The following CDHR4 variants were observed in gnomAD, a reference collection of about 807,000 sequenced individuals.
The protein encoded by CDHR4 is cadherin-related family member 4.
CDHR4 carries 89 observed loss-of-function variants against 88.4 expected under a neutral mutation model. The ratio of observed to expected loss-of-function variants is 1.01; its 90% CI spans 0.85 to 1.20. The LOEUF (loss-of-function observed/expected upper bound fraction) is 1.20, where lower values mean the gene tolerates loss of function less well. Ranked by LOEUF, CDHR4 falls within the 50% of genes most tolerant of loss-of-function variation. The probability of loss-of-function intolerance (pLI) is 0.00; values close to 1 mark genes in which losing one functional copy is unlikely to be tolerated. For synonymous variants in CDHR4, 368 were observed against 399.2 expected (o/e 0.92, Z 0.93); for missense variants, 914 against 1,007.2 (o/e 0.91, Z 1.25).
Position 49,793,996 on chromosome 3 carries a change from C to G in CDHR4, c.1290G>C (p.Pro430=), listed in dbSNP as rs771129667. The G allele has an allele frequency of 3.9e-6, 6 of 1,551,500 alleles. No individual in the cohort carries two copies. The Middle Eastern group carries it at 5.0e-4, about 130-fold the overall frequency. The change falls in exon 11 of 19, where the codon CCG becomes CCC. Residue 430 remains proline (P), a synonymous_variant. Coordinates refer to ENST00000412678, the MANE Select transcript of CDHR4 (RefSeq NM_001007540.4). ...GGQPQMTTEV[P]VLVMVTPINE... ...TGATGGGTGTCACCATCACCAGTAC[C>G]GGCACCTCAGCTGGAAGTCATTTGG...
intron 15 of CDHR4, 131 bp downstream of exon 15, chr3:49,792,337 C>G: frequency 2.6e-6 from 3 of 1,149,562 alleles, no homozygotes; most frequent in South Asian, 3.2e-5. Context: ...GGGAGAGTAG[C>G]CCTCCTCAAT....
Position 49,799,085 on chromosome 3 carries a change from T to G in CDHR4, c.312A>C (p.Thr104=), listed in dbSNP as rs371098077. The G allele has an allele frequency of 6.3e-6, 10 of 1,580,632 alleles. No homozygotes were observed. In the African/African-American group the frequency reaches 1.3e-4, roughly 21 times the overall value. ...AGCCCTCCATCACATGGTTGCCACATGTGAACTTCAGCTGCACCTTGTAGT... is the reference window on the plus strand; with the variant it reads ...AGCCCTCCATCACATGGTTGCCACAGGTGAACTTCAGCTGCACCTTGTAGT... ...VNHYKVQLKF[T]CGNHVMEGSL... is the part of the protein sequence containing the mutation. Residue 104 remains threonine, a synonymous_variant, in exon 3 of 19, where the codon ACA becomes ACC. Transcript: ENST00000412678.
At position 49,798,951 on chromosome 3, in the gene CDHR4, A is replaced by G. The variant is rs375629076; in HGVS notation, c.404-34T>C. ...AGTGGAGGTCAGGGAGGATCTGCTC[A>G]GGCCATGCCTGCCCCCACCCTGCCG... On this transcript the variant is annotated intron_variant, in intron 3 of 18. Coordinates refer to ENST00000412678, the MANE Select transcript of CDHR4 (RefSeq NM_001007540.4). 3.1e-6 allele frequency: 5 copies of G among 1,611,344 alleles called. No individual in the cohort carries two copies. The African/African-American group carries it at 5.3e-5, about 17-fold the overall frequency.
At position 49,795,381 on chromosome 3, in the gene CDHR4, T is replaced by C. The variant is rs2081255417; in HGVS notation, c.848-2A>G. On this transcript the variant is annotated splice_acceptor_variant, in intron 7 of 18. Coordinates refer to ENST00000412678, the MANE Select transcript of CDHR4 (RefSeq NM_001007540.4). LOFTEE classifies it high-confidence loss of function. This position sits in a 1 kb window ranked among gnomAD's most constrained non-coding sequence, Gnocchi z 5.4. ...TGGTGGTCCGGACCACACCGTCTGC[T>C]GCATGGGGTGAGAGAACACAGAGGT... 1.9e-6 allele frequency: 3 copies of C among 1,549,612 alleles called. No homozygotes were observed. The highest frequency in any genetic ancestry group is 2.0e-5 in the Admixed American group (1 of 50,950).
chr3:49,791,289 G>C (rs1321104487), intron 18 of CDHR4, among the ~76,000 whole-genome samples, 152 bp downstream of exon 18: 1 of 152,118 alleles, frequency 6.6e-6, no homozygotes, highest in East Asian at 1.9e-4. Context: ...AGAGTGAGCG[G>C]GGATGAGAGC....
Position 49,799,436 on chromosome 3 carries a change from G to A in CDHR4, c.51C>T (p.Asp17=), listed in dbSNP as rs781768606. 4.4e-6 allele frequency: 7 copies of A among 1,592,056 alleles called. No individual in the cohort carries two copies. The highest frequency in any genetic ancestry group is 5.1e-6 in the Non-Finnish European group (6 of 1,169,632). ...TTATAAAGCAGGGCAGGCTGCAGAG[G>A]TCTGTGAAGAGCAGAGAATTCAGGC... ...LVFLFAPVVS[D]LCSLPCFINV... Residue 17 remains aspartate, a splice_region_variant and synonymous_variant, in exon 2 of 19, where the codon GAC becomes GAT. Transcript: ENST00000412678.
chr3:49,795,187 G>C lies in CDHR4; in HGVS notation c.1031+9C>G. ...CCCAGCAGCCCAAGTATGGTTCCCG[G>C]GTACTCACACCAGAAGCGCTGGGAG... On this transcript the variant is annotated intron_variant, in intron 8 of 18. Transcript: ENST00000412678. The surrounding 1 kb of genome is among the most constrained non-coding windows in gnomAD (Gnocchi z 5.4). The C allele has an allele frequency of 1.3e-6, 2 of 1,551,628 alleles. No homozygotes were observed. The highest frequency in any genetic ancestry group is 1.2e-5 in the South Asian group (1 of 84,062).
intron 4 of CDHR4, among the ~76,000 whole-genome samples, chr3:49,797,815 C>T (rs2081293733): frequency 6.6e-6 from 1 of 151,908 alleles, no homozygotes; most frequent in African/African-American, 2.4e-5. Flanking sequence ...ACCACTGACC[C>T]TTATCCCAGC....
Position 49,793,215 on chromosome 3 carries a change from A to T in CDHR4, c.1720T>A (p.Cys574Ser). 6.4e-7 allele frequency: 1 copy of T among 1,551,680 alleles called. No homozygotes were observed. The highest frequency in any genetic ancestry group is 8.7e-7 in the Non-Finnish European group (1 of 1,146,990). Reference sequence around the variant, plus strand: ...CGCTGTGGCTCCTGAGGGATCTGGCATGACATCTTGGTCACCTCCACGCTA... The same window carrying T: ...CGCTGTGGCTCCTGAGGGATCTGGCTTGACATCTTGGTCACCTCCACGCTA... ...GRSVEVTKMS[C>S]QIPQEPQRLI... The change falls in exon 13 of 19, where the codon TGC becomes AGC. Residue 574 changes from cysteine to serine, a missense_variant. Cys to Ser is a moderately radical substitution (Grantham distance 112). Coordinates refer to ENST00000412678, the MANE Select transcript of CDHR4 (RefSeq NM_001007540.4).
At chr3:49,790,909 G>A in intron 18 of CDHR4, 22 bp from the exon 19 acceptor site, 3 of 1,543,896 alleles carry the variant, frequency 1.9e-6, no homozygotes, top group Non-Finnish European at 2.6e-6. Flanking sequence ...AGGAGAGAGA[G>A]GAGAGCAGGG....
chr3:49,793,140 G>A lies in CDHR4; in HGVS notation c.1774+21C>T, dbSNP rs895370989. 44 of 1,550,990 alleles carry A rather than the reference G, an allele frequency of 2.8e-5. No individual in the cohort carries two copies. The Admixed American group carries it at 8.4e-4, about 30-fold the overall frequency. On this transcript the variant is annotated intron_variant, in intron 13 of 18. Coordinates refer to ENST00000412678, the MANE Select transcript of CDHR4 (RefSeq NM_001007540.4). Reference sequence around the variant, plus strand: ...TTGGCCTGCCCCTCACTCACAACCTGGTGGTGCCCATGTCCCCTACCTCCC... The same window carrying A: ...TTGGCCTGCCCCTCACTCACAACCTAGTGGTGCCCATGTCCCCTACCTCCC...
chr3:49,793,530 C>A, intron 12 of CDHR4, 53 bp downstream of exon 12: 2 of 1,543,076 alleles, frequency 1.3e-6, no homozygotes, highest in Non-Finnish European at 1.8e-6. Context: ...ACAGGGCAAT[C>A]TGAACTCCTG....
intron 4 of CDHR4, among the ~76,000 whole-genome samples, chr3:49,797,887 G>T (rs1034284914): frequency 1.3e-5 from 2 of 150,460 alleles, no homozygotes; most frequent in African/African-American, 4.9e-5. Context: ...TTGCTTTCAA[G>T]CCAGTTACTG....
rs1345667000 is a variant in CDHR4 at position 49,791,479 on chromosome 3, A to G, written c.2284-11T>C. The G allele has an allele frequency of 1.2e-4, 38 of 304,806 alleles. No homozygotes were observed. The South Asian group carries it at 1.8e-3, about 14-fold the overall frequency. 18.9% of individuals were successfully genotyped at this position (304,806 alleles called of 1,614,324 possible). On this transcript the variant is annotated splice_polypyrimidine_tract_variant and intron_variant, in intron 17 of 18. Transcript: ENST00000412678. ...TCTGCCATCAAAATGCTGCTGAGGGAAAAAAAAAAAAGATGCAATGAATTG... is the reference window on the plus strand; with the variant it reads ...TCTGCCATCAAAATGCTGCTGAGGGGAAAAAAAAAAAGATGCAATGAATTG...
chr3:49,801,302 T>C (rs149376795), upstream of CDHR4, among the ~76,000 whole-genome samples: 128 of 152,348 alleles, frequency 8.4e-4, 4 homozygotes, highest in East Asian at 0.023. Context: ...CTGTTCCTGC[T>C]CAGCTTCTTT....
chr3:49,798,731 C>T (rs1479983738), intron 4 of CDHR4, 95 bp downstream of exon 4: 4 of 1,202,774 alleles, frequency 3.3e-6, no homozygotes, highest in Non-Finnish European at 4.7e-6. Flanking sequence ...TGCAAGGTTC[C>T]TCTTCAGGCT....
At chr3:49,797,075 G>A (rs2081282400) in intron 4 of CDHR4, 43 bp from the exon 5 acceptor site, 2 of 1,501,598 alleles carry the variant, frequency 1.3e-6, no homozygotes, top group Middle Eastern at 1.8e-4. Flanking sequence ...AGCCCCCAGT[G>A]CCCTGAGCAC....
Position 49,794,962 on chromosome 3 carries a change from A to G in CDHR4, c.1170T>C (p.Tyr390=), listed in dbSNP as rs2081245125. The G allele has an allele frequency of 6.4e-7, 1 of 1,551,652 alleles. No homozygotes were observed. The highest frequency in any genetic ancestry group is 8.7e-7 in the Non-Finnish European group (1 of 1,146,964). ...SSSNPASLCL[Y]DRVLEVNATL... ...GGCTGGGCACCTCAAGGACTCTGTCATAAAGGCAGAGGCTGGCAGGGTTGG... is the reference window on the plus strand; with the variant it reads ...GGCTGGGCACCTCAAGGACTCTGTCGTAAAGGCAGAGGCTGGCAGGGTTGG... Residue 390 remains tyrosine (Y), a synonymous_variant, in exon 9 of 19, where the codon TAT becomes TAC. Transcript: ENST00000412678.
At chr3:49,794,473 T>G in intron 10 of CDHR4, 135 bp downstream of exon 10, 1 of 675,966 alleles carries the variant, frequency 1.5e-6, no homozygotes, top group Non-Finnish European at 2.5e-6. Context: ...AAGAGATATA[T>G]CTTCAGGGTC....
Sources: allele counts gnomAD v4.1 joint callset (sites outside exome capture counted in the v4.1 genomes callset), GRCh38; gene constraint gnomAD v4.1.1; non-coding constraint Gnocchi (gnomAD v3.1); transcripts MANE v1.5; gene names NCBI Gene and HGNC (gene_info 2026-07-23, HGNC 2026-07-21).